Variants in TMEM116 observed in about 807,000 individuals in gnomAD.
The protein encoded by TMEM116 is transmembrane protein 116.
A neutral mutation model predicts 44.3 loss-of-function variants in TMEM116; 38 were observed. The observed-to-expected ratio is 0.86, with a 90% CI of 0.66 to 1.12. The LOEUF is 1.12. TMEM116 is among the 50% of genes most tolerant of loss of function. The pLI, the probability that TMEM116 is intolerant of heterozygous loss-of-function variation, is 0.00. For missense variants in TMEM116, 354 were observed against 401.7 expected, an observed-to-expected ratio of 0.88 and a Z score of 1.01; for synonymous variants, 132 against 144.8, an observed-to-expected ratio of 0.91 and a Z score of 0.64.
intron 5 of TMEM116, among the ~76,000 whole-genome samples, chr12:111,941,073 C>A (rs1042170664): frequency 3.3e-5 from 5 of 151,830 alleles, no homozygotes; most frequent in Admixed American, 3.3e-4. Context: ...AGAAACTAAG[C>A]GAGTTTAAAA....
chr12:111,950,287 G>A (rs546567358), intron 4 of TMEM116, among the ~76,000 whole-genome samples: 1 of 152,124 alleles, frequency 6.6e-6, no homozygotes, highest in African/African-American at 2.4e-5. Flanking sequence ...ATGAGAAATT[G>A]ATGCCTTTAT....
At chr12:111,957,889 AAAG>A (rs1221186465) in intron 4 of TMEM116, among the ~76,000 whole-genome samples, 4 of 152,264 alleles carry the variant, frequency 2.6e-5, no homozygotes, top group African/African-American at 9.6e-5. Flanking sequence ...GTCTGTGTAG[AAAG>A]AAGTAGACAT....
intron 7 of TMEM116, 147 bp downstream of exon 7, chr12:111,937,013 T>C: frequency 1.0e-6 from 1 of 986,342 alleles, no homozygotes; most frequent in South Asian, 1.6e-5. Context: ...CTTATATATT[T>C]TCAGCCTTTA....
At chr12:112,008,213 T>C (rs2077678225) in intron 1 of TMEM116, among the ~76,000 whole-genome samples, 1 of 152,142 alleles carries the variant, frequency 6.6e-6, no homozygotes, top group Non-Finnish European at 1.5e-5. Context: ...CTGGGCGCGG[T>C]GGCTCACACC....
At chr12:112,005,856 A>G in intron 1 of TMEM116, 8 of 904,506 alleles carry the variant, frequency 8.8e-6, no homozygotes, top group Non-Finnish European at 1.1e-5. Flanking sequence ...AAGAAAAGTT[A>G]GTAGTATGAA....
intron 4 of TMEM116, among the ~76,000 whole-genome samples, chr12:111,989,951 A>G (rs2076448677): frequency 6.6e-6 from 1 of 152,140 alleles, no homozygotes; most frequent in Non-Finnish European, 1.5e-5. Context: ...AGCTCAATAA[A>G]GTTGTAAAAA....
chr12:111,992,948 C>T (rs1037726155), intron 3 of TMEM116: 4 of 152,808 alleles, frequency 2.6e-5, no homozygotes, highest in African/African-American at 9.7e-5. Context: ...CTGTGAGCCA[C>T]AATCCAAGGG....
At chr12:111,959,537 AAGACAC>A (rs1475334979) in intron 4 of TMEM116, among the ~76,000 whole-genome samples, 1 of 152,244 alleles carries the variant, frequency 6.6e-6, no homozygotes. Flanking sequence ...CCCCAATTAA[AAGACAC>A]AGACCGGCAA....
rs543546328 is a variant in TMEM116 at position 111,948,671 on chromosome 12, A to C, written c.211-5302T>G. 3.9e-5 allele frequency among the ~76,000 whole-genome samples: 6 copies of C among 152,334 alleles called. No homozygotes were observed. The East Asian group carries it at 1.2e-3, about 29-fold the overall frequency. On this transcript the variant is annotated intron_variant, in intron 4 of 10. Transcript: ENST00000552374. ...CCAGATTTACTAGTAGGTAAACTAA[A>C]ACTTTTAAAAATTTAAAACAAATAT... is the stretch of plus-strand genomic sequence containing the variant.
Position 111,983,440 on chromosome 12 carries a change from TA to T in TMEM116, c.210+8317del, listed in dbSNP as rs934170052. Reference sequence around the variant, plus strand: ...CTGGGCAACAGAGCAAGACTCTATCTAAAAAAAAAACACAAAAAAATTAGCT... The same window carrying T: ...CTGGGCAACAGAGCAAGACTCTATCTAAAAAAAAACACAAAAAAATTAGCT... On this transcript the variant is annotated intron_variant, in intron 4 of 10. Coordinates refer to ENST00000552374, the MANE Select transcript of TMEM116 (RefSeq NM_001193531.2). 6.6e-3 allele frequency among the ~76,000 whole-genome samples: 959 copies of T among 146,194 alleles called. 5 individuals carry two copies. Among genetic ancestry groups the T allele is most frequent in the Admixed American group, 6.5e-3 (95 of 14,616 alleles).
chr12:111,998,306 G>C (rs1421423074), intron 3 of TMEM116, among the ~76,000 whole-genome samples: 1 of 152,204 alleles, frequency 6.6e-6, no homozygotes, highest in African/African-American at 2.4e-5. Flanking sequence ...GGTTACATTG[G>C]ACTATTTTAG....
At chr12:111,995,892 T>C (rs755502265) in intron 3 of TMEM116, among the ~76,000 whole-genome samples, 11 of 151,226 alleles carry the variant, frequency 7.3e-5, no homozygotes, top group Non-Finnish European at 1.3e-4. Context: ...ATAAAAAAAT[T>C]AGCTGGGCAT....
At chr12:112,007,902 G>C (rs1218395513) in intron 1 of TMEM116, among the ~76,000 whole-genome samples, 1 of 152,204 alleles carries the variant, frequency 6.6e-6, no homozygotes, top group Non-Finnish European at 1.5e-5. Flanking sequence ...CCTGCTTGCT[G>C]TATATTCAGC....
At chr12:111,966,152 A>C (rs574973620) in intron 4 of TMEM116, among the ~76,000 whole-genome samples, 1 of 152,192 alleles carries the variant, frequency 6.6e-6, no homozygotes, top group Admixed American at 6.5e-5. Flanking sequence ...CTAAAAGTAC[A>C]AAAATTAGCC....
Position 112,013,119 on chromosome 12 carries a change from C to T in TMEM116, c.-151G>A, listed in dbSNP as rs1183495870. On this transcript the variant is annotated 5_prime_UTR_variant, in exon 1 of 11. Transcript: ENST00000552374. ...ACAGCAAACGAATTGCTATAGCGTCCCCATGCGCACTTGGCGCTTCTCCTC... is the reference window on the plus strand; with the variant it reads ...ACAGCAAACGAATTGCTATAGCGTCTCCATGCGCACTTGGCGCTTCTCCTC... The T allele has an allele frequency of 3.6e-6, 1 of 281,374 alleles. No homozygotes were observed. Among genetic ancestry groups the T allele is most frequent in the Non-Finnish European group, 6.7e-6 (1 of 148,836 alleles). 17.4% of individuals were successfully genotyped at this position (281,374 alleles called of 1,614,324 possible). A position where few individuals can be genotyped will look rare whatever the true frequency, so the allele number is the denominator to read the frequency against.
chr12:111,953,790 TC>T (rs1427786402), intron 4 of TMEM116, among the ~76,000 whole-genome samples: 5 of 152,318 alleles, frequency 3.3e-5, no homozygotes, highest in African/African-American at 1.2e-4. Flanking sequence ...AAATTCTATT[TC>T]TTTTAGAGAG....
At chr12:111,949,808 A>G (rs1426376672) in intron 4 of TMEM116, among the ~76,000 whole-genome samples, 4 of 152,198 alleles carry the variant, frequency 2.6e-5, no homozygotes, top group Admixed American at 6.5e-5. Flanking sequence ...TGCTGTTCCT[A>G]AAACCCTGTA....
At chr12:111,987,791 T>C (rs752442721) in intron 4 of TMEM116, among the ~76,000 whole-genome samples, 9 of 152,202 alleles carry the variant, frequency 5.9e-5, no homozygotes, top group Non-Finnish European at 1.3e-4. Context: ...AAACACAGAA[T>C]TTCCATCTGA....
chr12:111,985,977 C>A (rs1198609468), intron 4 of TMEM116, among the ~76,000 whole-genome samples: 1 of 151,660 alleles, frequency 6.6e-6, no homozygotes, highest in Non-Finnish European at 1.5e-5. Flanking sequence ...AAAATCCCAA[C>A]AACTTTTTTT....
Sources: gnomAD v4.1 joint callset for allele counts (sites outside exome capture counted in the v4.1 genomes callset) on GRCh38, gnomAD v4.1.1 for gene constraint, MANE v1.5 for transcripts, NCBI Gene and HGNC (gene_info 2026-07-23, HGNC 2026-07-21) for gene names.